Variants in NOP14 observed in about 807,000 individuals in gnomAD.
NOP14 encodes the protein nucleolar protein 14.
Under a neutral mutation model 101.6 loss-of-function variants are expected in NOP14, and 57 were observed. That is an observed-to-expected ratio of 0.56 (90% CI 0.45 to 0.70). The LOEUF is 0.70. NOP14 is among the 30% of genes least tolerant of loss of function. The pLI is 0.00. For synonymous variants in NOP14, 428 were observed against 424.0 expected (o/e 1.01, Z -0.12); for missense variants, 1,134 against 1,075.5 (o/e 1.05, Z -0.76).
At position 2,941,918 on chromosome 4, in the gene NOP14, G is replaced by A. The variant is rs188701492; in HGVS notation, c.2052-189C>T. 1.0e-4 allele frequency: 71 copies of A among 702,610 alleles called. No individual in the cohort carries two copies. In the African/African-American group the frequency reaches 1.2e-3, roughly 12 times the overall value. The allele number at this position is 702,610 out of a possible 1,614,324, so 43.5% of individuals were successfully genotyped here. ...GCTCAGGGTCAGGCCTAACGCAGGAGGGGAGGCTGTGGGAACCGCAGCGCC... is the reference window on the plus strand; with the variant it reads ...GCTCAGGGTCAGGCCTAACGCAGGAAGGGAGGCTGTGGGAACCGCAGCGCC... On this transcript the variant is annotated intron_variant, in intron 14 of 17. Coordinates refer to ENST00000416614, the MANE Select transcript of NOP14 (RefSeq NM_001291978.2).
Position 2,953,513 on chromosome 4 carries a change from T to G in NOP14, c.745A>C (p.Lys249Gln). Residue 249 changes from lysine (K) to glutamine (Q), a missense_variant and splice_region_variant, in exon 5 of 18, where the codon AAG becomes CAG. Coordinates refer to ENST00000416614, the MANE Select transcript of NOP14 (RefSeq NM_001291978.2). The stretch of plus-strand genomic sequence containing the variant: ...TTGTTTCAGTACTTGGCTCCCACCT[T>G]GGGTTTTTCCTTTTTGTCTCTGTTC... ...SENRDKKEKP[K>Q]PDAYDMMVRE... The G allele has an allele frequency of 1.2e-6, 2 of 1,614,082 alleles. No individual in the cohort carries two copies. Among genetic ancestry groups the G allele is most frequent in the Non-Finnish European group, 1.7e-6 (2 of 1,180,006 alleles).
chr4:2,941,919 G>A (rs958708083), intron 14 of NOP14, 190 bp from the exon 15 acceptor site: 6 of 682,532 alleles, frequency 8.8e-6, no homozygotes, highest in Non-Finnish European at 1.4e-5. Context: ...AACGCAGGAG[G>A]GGAGGCTGTG....
chr4:2,947,530 C>G lies in NOP14; in HGVS notation c.1495G>C (p.Val499Leu), dbSNP rs745408137. 5.6e-6 allele frequency: 9 copies of G among 1,611,422 alleles called. No individual in the cohort carries two copies. The highest frequency in any genetic ancestry group is 5.9e-6 in the Non-Finnish European group (7 of 1,177,688). The change falls in exon 10 of 18, where the codon GTT (valine) becomes CTT (leucine). Residue 499 changes from valine to leucine, a missense_variant. By Grantham distance (32) the Val-to-Leu change is conservative. Coordinates refer to ENST00000416614, the MANE Select transcript of NOP14 (RefSeq NM_001291978.2). The part of the protein sequence containing the change: ...PPDLTVIDKL[V>L]VHLYHLCQMF... The stretch of plus-strand genomic sequence containing the variant: ...TGACACACCATTTTTACTTACACAA[C>G]CAACTTATCAATGACTGTGAGGTCT...
rs1714732467 is a variant in NOP14 at position 2,947,438 on chromosome 4, ACT to A, written c.1499+86_1499+87del. On this transcript the variant is annotated intron_variant, in intron 10 of 17. Transcript: ENST00000416614. ...CACCATCATTCCACCTACCTTAGTA[ACT>A]CTGGAATGTATTTTTATGACTCTAA... 6.4e-6 allele frequency: 6 copies of A among 933,260 alleles called. No homozygotes were observed. The South Asian group carries it at 7.1e-5, about 11-fold the overall frequency. The allele number at this position is 933,260 out of a possible 1,614,324, so 57.8% of individuals were successfully genotyped here.
At chr4:2,950,772 C>A (rs964010613) in intron 7 of NOP14, 2 of 211,734 alleles carry the variant, frequency 9.4e-6, no homozygotes, top group Non-Finnish European at 1.9e-5. Context: ...CTTGAGTTAG[C>A]TCCCTCAATA....
chr4:2,946,157 A>G (rs111540942), intron 11 of NOP14, among the ~76,000 whole-genome samples: 2,037 of 71,098 alleles, frequency 0.029, 96 homozygotes, highest in East Asian at 0.13. Context: ...GATCACCCTC[A>G]CTGCCGTGCA....
At chr4:2,939,165 T>TCG (rs768933534) in intron 17 of NOP14, 23 bp downstream of exon 17, 10 of 1,613,448 alleles carry the variant, frequency 6.2e-6, no homozygotes, top group East Asian at 2.2e-5. Context: ...CACAATCGTG[T>TCG]CGCACACACA....
Position 2,956,797 on chromosome 4 carries a change from T to C in NOP14, c.345A>G (p.Lys115=), listed in dbSNP as rs748486258. 1.4e-5 allele frequency: 23 copies of C among 1,603,690 alleles called. No individual in the cohort carries two copies. The highest frequency in any genetic ancestry group is 1.9e-5 in the Non-Finnish European group (22 of 1,177,514). The part of the protein sequence containing the change: ...FALEQQRHHE[K]KSIYNLNEDE... The stretch of plus-strand genomic sequence containing the variant: ...CTTCATTTAGATTGTAGATGCTTTT[T>C]TTCTCATGATGTCGCTGACAGAAGA... The change falls in exon 3 of 18, where the codon AAA becomes AAG. Residue 115 remains lysine, a synonymous_variant. Coordinates refer to ENST00000416614, the MANE Select transcript of NOP14 (RefSeq NM_001291978.2).
chr4:2,941,001 G>T, intron 15 of NOP14: 1 of 152,114 alleles, frequency 6.6e-6, no homozygotes, highest in Non-Finnish European at 1.4e-5. Flanking sequence ...GCCAATAAGG[G>T]GCAGGGTTGG....
At chr4:2,958,472 A>G (rs1715498435) in intron 1 of NOP14, among the ~76,000 whole-genome samples, 1 of 152,198 alleles carries the variant, frequency 6.6e-6, no homozygotes, top group African/African-American at 2.4e-5. Context: ...TCTATTTGCT[A>G]AGGAACTGCC....
chr4:2,959,925 G>A (rs576550935), intron 1 of NOP14, among the ~76,000 whole-genome samples: 2 of 151,698 alleles, frequency 1.3e-5, no homozygotes, highest in East Asian at 1.9e-4. Flanking sequence ...TGTACTGCTC[G>A]ATGAACTCTG....
rs1715437262 is a variant in NOP14 at position 2,957,614 on chromosome 4, C to G, written c.322G>C (p.Glu108Gln). The change falls in exon 2 of 18, where the codon GAA becomes CAA. Residue 108 changes from glutamate to glutamine, a missense_variant. Coordinates refer to ENST00000416614, the MANE Select transcript of NOP14 (RefSeq NM_001291978.2). ...CCAGTTTCTTTCCATACCTGCTGTT[C>G]CAGAGCAAACCTCTTCATCATCTTC... ...EEKMMKRFAL[E>Q]QQRHHEKKSI... 1 of 1,613,940 alleles carries G rather than the reference C, an allele frequency of 6.2e-7. No homozygotes were observed. Among genetic ancestry groups the G allele is most frequent in the Non-Finnish European group, 8.5e-7 (1 of 1,179,990 alleles).
In NOP14 at chr4:2,963,111, C is replaced by T. The variant is rs1382507069; in HGVS notation, c.195+14G>A. 2.0e-6 allele frequency: 3 copies of T among 1,526,488 alleles called. No individual in the cohort carries two copies. Among genetic ancestry groups the T allele is most frequent in the Non-Finnish European group, 1.8e-6 (2 of 1,139,940 alleles). The allele number at this position is 1,526,488 out of a possible 1,614,324, so 94.6% of individuals were successfully genotyped here. The stretch of plus-strand genomic sequence containing the variant: ...AGATCCTGCCTTCCGGCTCCCCGTG[C>T]GCCCCCCGCTTACCTTCCTGAGGGC... On this transcript the variant is annotated intron_variant, in intron 1 of 17. Transcript: ENST00000416614.
rs2109286015 is a variant in NOP14, at chr4:2,938,801, C to T, written c.*30G>A. On this transcript the variant is annotated 3_prime_UTR_variant, in exon 18 of 18. Transcript: ENST00000416614. ...GGAATTGCAGATGTGAGGTAATGTC[C>T]AGTTCCTTGCCTTATTTATAAAATG... The T allele has an allele frequency of 1.3e-6, 2 of 1,562,734 alleles. No individual in the cohort carries two copies. The highest frequency in any genetic ancestry group is 4.5e-5 in the East Asian group (2 of 44,600).
intron 13 of NOP14, among the ~76,000 whole-genome samples, chr4:2,943,832 C>T (rs1045188999): frequency 2.0e-5 from 3 of 152,240 alleles, no homozygotes; most frequent in Admixed American, 6.5e-5. Flanking sequence ...AGGTAGGGTA[C>T]GTCTCAGTTC....
chr4:2,939,295 C>T lies in NOP14; in HGVS notation c.2367G>A (p.Arg789=), dbSNP rs907165637. ...GCTTGTGTTTGTGGATCAGCCTCTT[C>T]CTTTCCTGTTCCTCCTTACTACTGC... ...KQGSSKEEQE[R]KRLIHKHKRE... is the part of the protein sequence containing the mutation. The change falls in exon 17 of 18, where the codon AGG becomes AGA. Residue 789 remains arginine (R), a synonymous_variant. Transcript: ENST00000416614. 7 of 1,614,068 alleles carry T rather than the reference C, an allele frequency of 4.3e-6. 1 individual carries two copies. The Admixed American group carries it at 6.7e-5, about 15-fold the overall frequency.
chr4:2,958,624 C>CCT (rs1397275945), intron 1 of NOP14, among the ~76,000 whole-genome samples: 1 of 152,190 alleles, frequency 6.6e-6, no homozygotes, highest in Admixed American at 6.5e-5. Context: ...ACATTTGAAA[C>CCT]CTCTCATCTA....
chr4:2,953,009 G>C (rs1427200081), intron 5 of NOP14, among the ~76,000 whole-genome samples: 1 of 152,204 alleles, frequency 6.6e-6, no homozygotes, highest in Non-Finnish European at 1.5e-5. Flanking sequence ...TAAAGTAACG[G>C]TAACATCAAG....
At chr4:2,960,724 T>A (rs922864642) in intron 1 of NOP14, among the ~76,000 whole-genome samples, 3 of 131,562 alleles carry the variant, frequency 2.3e-5, no homozygotes, top group African/African-American at 6.0e-5. Flanking sequence ...AATATTATAA[T>A]CACATTAATA....
Sources: allele counts gnomAD v4.1 joint callset (sites outside exome capture counted in the v4.1 genomes callset), GRCh38; gene constraint gnomAD v4.1.1; transcripts MANE v1.5; gene names NCBI Gene and HGNC (gene_info 2026-07-23, HGNC 2026-07-21).